The following ADAM22 variants were observed in gnomAD, a reference collection of about 807,000 sequenced individuals.
ADAM22 encodes the protein disintegrin and metalloproteinase domain-containing protein 22.
A neutral mutation model predicts 144.6 loss-of-function variants in ADAM22; 65 were observed. The observed-to-expected ratio is 0.45, with a 90% confidence interval of 0.37 to 0.55. The LOEUF (loss-of-function observed/expected upper bound fraction) is 0.55, where lower values mean the gene tolerates loss of function less well. Ranked by LOEUF, ADAM22 falls within the 20% of genes least tolerant of loss-of-function variation. The pLI is 0.00. For missense variants in ADAM22, 974 were observed against 1,184.9 expected (o/e 0.82, Z 2.61); for synonymous variants, 391 against 412.6 (o/e 0.95, Z 0.63).
intron 31 of ADAM22, among the ~76,000 whole-genome samples, chr7:88,196,167 T>TG (rs1850629763): frequency 6.6e-6 from 1 of 152,218 alleles, no homozygotes. Flanking sequence ...ATATTTTAAA[T>TG]TCTTTTATTT....
intron 4 of ADAM22, among the ~76,000 whole-genome samples, chr7:88,094,055 C>A (rs1461627810): frequency 1.3e-5 from 2 of 152,144 alleles, no homozygotes; most frequent in African/African-American, 4.8e-5. Flanking sequence ...ATTCAATAGA[C>A]ATGAGTTGAG....
chr7:88,113,949 C>T (rs762756278), intron 5 of ADAM22, among the ~76,000 whole-genome samples: 10 of 151,322 alleles, frequency 6.6e-5, no homozygotes. Flanking sequence ...TATTTCTGCT[C>T]TTACTGGTTA....
At chr7:88,163,733 A>G (rs868368766) in intron 23 of ADAM22, among the ~76,000 whole-genome samples, 3 of 152,154 alleles carry the variant, frequency 2.0e-5, no homozygotes, top group South Asian at 4.1e-4. Context: ...TCTTTAAGTT[A>G]TATATTCTTT....
chr7:88,148,999 G>A lies in ADAM22; in HGVS notation c.1508G>A (p.Cys503Tyr). 1.2e-6 allele frequency: 2 copies of A among 1,612,038 alleles called. No homozygotes were observed. The highest frequency in any genetic ancestry group is 4.5e-5 in the East Asian group (2 of 44,804). Residue 503 changes from cysteine to tyrosine, a missense_variant, in exon 18 of 32, where the codon TGC (cysteine) becomes TAC (tyrosine). Physicochemically the swap from Cys to Tyr is radical, Grantham distance 194. Coordinates refer to ENST00000413139, the MANE Select transcript of ADAM22 (RefSeq NM_001324418.2). ...KCKFQPMGTV[C>Y]REAVNDCDIR... Reference sequence around the variant, plus strand: ...TAGTTTCAGCCTATGGGCACTGTGTGCCGAGAAGCAGTAAATGATTGTGAT... The same window carrying A: ...TAGTTTCAGCCTATGGGCACTGTGTACCGAGAAGCAGTAAATGATTGTGAT...
intron 5 of ADAM22, among the ~76,000 whole-genome samples, chr7:88,108,554 C>A (rs550079711): frequency 4.0e-4 from 61 of 152,032 alleles, no homozygotes; most frequent in Non-Finnish European, 7.1e-4. Flanking sequence ...CATGGTGAAA[C>A]CCTGTCTCTA....
intron 2 of ADAM22, among the ~76,000 whole-genome samples, chr7:87,974,705 G>C (rs1459001953): frequency 6.6e-6 from 1 of 152,146 alleles, no homozygotes; most frequent in Non-Finnish European, 1.5e-5. Flanking sequence ...TTCGTTGCCT[G>C]AAACAACAAC....
chr7:88,170,597 A>G (rs1024519821), intron 25 of ADAM22, among the ~76,000 whole-genome samples: 1 of 152,126 alleles, frequency 6.6e-6, no homozygotes, highest in East Asian at 1.9e-4. Flanking sequence ...ATGAAAAATA[A>G]TAACAAATTG....
At chr7:87,981,738 G>T (rs915798928) in intron 3 of ADAM22, among the ~76,000 whole-genome samples, 1 of 151,992 alleles carries the variant, frequency 6.6e-6, no homozygotes, top group Non-Finnish European at 1.5e-5. Flanking sequence ...ATAAAAGACA[G>T]GATCTGAATT....
chr7:88,020,559 G>C (rs574067259), intron 3 of ADAM22, among the ~76,000 whole-genome samples: 12 of 152,196 alleles, frequency 7.9e-5, no homozygotes, highest in African/African-American at 2.2e-4. Flanking sequence ...ATCGACTTTG[G>C]CTGTACTTCT....
intron 3 of ADAM22, among the ~76,000 whole-genome samples, chr7:88,043,945 G>A (rs181140376): frequency 1.3e-5 from 2 of 152,148 alleles, no homozygotes; most frequent in East Asian, 1.9e-4. Flanking sequence ...TCCATTTTTA[G>A]CATCAAAGAT....
intron 3 of ADAM22, among the ~76,000 whole-genome samples, chr7:88,016,445 A>C (rs1796557855): frequency 6.6e-6 from 1 of 152,208 alleles, no homozygotes; most frequent in Non-Finnish European, 1.5e-5. Flanking sequence ...TAATGCTTCT[A>C]GTTCCTTTTA....
At chr7:88,071,560 G>A (rs12670301) in intron 3 of ADAM22, among the ~76,000 whole-genome samples, 83,952 of 151,764 alleles carry the variant, frequency 0.55, 24,244 homozygotes, top group East Asian at 0.88. Context: ...GTATAATACT[G>A]TACGAGCTGT....
chr7:87,997,785 C>T (rs1584915182), intron 3 of ADAM22, among the ~76,000 whole-genome samples: 1 of 152,214 alleles, frequency 6.6e-6, no homozygotes, highest in Non-Finnish European at 1.5e-5. Flanking sequence ...CTTCTGCCTT[C>T]CTCTTCTGCT....
chr7:87,982,670 C>CATATATATATATATATATAT (rs3086405), intron 3 of ADAM22, among the ~76,000 whole-genome samples: 103 of 38,042 alleles, frequency 2.7e-3, no homozygotes, highest in Admixed American at 4.5e-3. Flanking sequence ...TCAGTTATTA[C>CATATATATATATATATATAT]ATATATATAT....
chr7:87,950,137 C>CT (rs936388616), intron 2 of ADAM22, among the ~76,000 whole-genome samples: 1 of 151,672 alleles, frequency 6.6e-6, no homozygotes, highest in African/African-American at 2.4e-5. Context: ...TGTAATGTTT[C>CT]TTTTTTTATT....
At chr7:88,172,669 C>T (rs1285442941) in intron 26 of ADAM22, among the ~76,000 whole-genome samples, 1 of 151,830 alleles carries the variant, frequency 6.6e-6, no homozygotes. Flanking sequence ...CCATGGGTTA[C>T]CATTTGAAAT....
At chr7:88,193,288 T>A in intron 31 of ADAM22, 49 bp downstream of exon 31, 2 of 1,578,596 alleles carry the variant, frequency 1.3e-6, no homozygotes, top group Non-Finnish European at 1.7e-6. Context: ...CATTATCATT[T>A]ATCTATGAGT....
intron 3 of ADAM22, among the ~76,000 whole-genome samples, chr7:88,003,829 G>T (rs1230229691): frequency 6.6e-6 from 1 of 152,164 alleles, no homozygotes; most frequent in Non-Finnish European, 1.5e-5. Context: ...CATTATATCT[G>T]CCTCTTGGAC....
chr7:87,934,404 G>A lies in ADAM22; in HGVS notation c.-62G>A. 5 of 1,506,554 alleles carry A rather than the reference G, an allele frequency of 3.3e-6. No homozygotes were observed. The highest frequency in any genetic ancestry group is 3.6e-6 in the Non-Finnish European group (4 of 1,122,624). The allele number at this position is 1,506,554 out of a possible 1,614,324, so 93.3% of individuals were successfully genotyped here. ...CCGGGGGCGCGGAGCGAGGGAAACG[G>A]ACTCGGCGGCGCCGGCATGAGGAGC... is the stretch of plus-strand genomic sequence containing the variant. On this transcript the variant is annotated 5_prime_UTR_variant, in exon 1 of 32. Coordinates refer to ENST00000413139, the MANE Select transcript of ADAM22 (RefSeq NM_001324418.2).
Sources: allele counts gnomAD v4.1 joint callset (sites outside exome capture counted in the v4.1 genomes callset), GRCh38; gene constraint gnomAD v4.1.1; transcripts MANE v1.5; gene names NCBI Gene and HGNC (gene_info 2026-07-23, HGNC 2026-07-21).